The following MSRB3 variants were observed in gnomAD, a reference collection of about 807,000 sequenced individuals.
MSRB3 encodes methionine-R-sulfoxide reductase B3.
A neutral mutation model predicts 21.0 loss-of-function variants in MSRB3; 13 were observed. The observed-to-expected ratio is 0.62, with a 90% CI of 0.40 to 0.98. The LOEUF (loss-of-function observed/expected upper bound fraction) is 0.98, where lower values mean the gene tolerates loss of function less well. Among genes scored for constraint, MSRB3 ranks in the 50% least tolerant of loss-of-function variants. The pLI is 0.00. For missense variants in MSRB3, 199 were observed against 230.3 expected (o/e 0.86, Z 0.88); for synonymous variants, 87 against 88.6 (o/e 0.98, Z 0.10).
chr12:65,393,191 T>C (rs1879577424), intron 5 of MSRB3, among the ~76,000 whole-genome samples: 2 of 152,332 alleles, frequency 1.3e-5, no homozygotes, highest in Admixed American at 1.3e-4. Context: ...TATTGTCTTA[T>C]ATTTGACCAT....
chr12:65,440,873 TTATC>T (rs2136679944), intron 5 of MSRB3, among the ~76,000 whole-genome samples: 1 of 152,092 alleles, frequency 6.6e-6, no homozygotes, highest in Non-Finnish European at 1.5e-5. Flanking sequence ...ATTTAACAAG[TTATC>T]TATTTAGTGC....
intron 5 of MSRB3, among the ~76,000 whole-genome samples, chr12:65,386,768 T>C (rs1292143746): frequency 6.6e-6 from 1 of 152,012 alleles, no homozygotes; most frequent in Admixed American, 6.5e-5. Context: ...TTTGATTAAA[T>C]CAGAATACAC....
intron 5 of MSRB3, among the ~76,000 whole-genome samples, chr12:65,376,810 C>T (rs1878650635): frequency 6.6e-6 from 1 of 151,960 alleles, no homozygotes; most frequent in African/African-American, 2.4e-5. Context: ...GCACATTTAT[C>T]CAAGAACTTA....
intron 6 of MSRB3, among the ~76,000 whole-genome samples, chr12:65,460,374 A>T (rs150553475): frequency 2.0e-5 from 3 of 151,852 alleles, no homozygotes; most frequent in Admixed American, 1.3e-4. Flanking sequence ...TGCGCTTTTC[A>T]AAGAAACCGG....
intron 4 of MSRB3, among the ~76,000 whole-genome samples, chr12:65,345,587 T>A (rs943256679): frequency 3.3e-5 from 5 of 152,136 alleles, no homozygotes; most frequent in African/African-American, 9.7e-5. Flanking sequence ...ATCTTTTTTT[T>A]ATTATTATTA....
chr12:65,401,649 A>T (rs918123390), intron 5 of MSRB3, among the ~76,000 whole-genome samples: 1 of 151,940 alleles, frequency 6.6e-6, no homozygotes, highest in African/African-American at 2.4e-5. Flanking sequence ...TGATCCTGTC[A>T]TTATGATGCT....
chr12:65,415,434 T>G (rs1880918926), intron 5 of MSRB3, among the ~76,000 whole-genome samples: 1 of 152,164 alleles, frequency 6.6e-6, no homozygotes, highest in Non-Finnish European at 1.5e-5. Context: ...CTCTTGAAGT[T>G]TGTAGCTAGC....
intron 5 of MSRB3, among the ~76,000 whole-genome samples, chr12:65,422,818 G>A (rs1215194196): frequency 2.0e-5 from 3 of 151,820 alleles, no homozygotes; most frequent in Admixed American, 2.0e-4. Flanking sequence ...ATTGTAAATG[G>A]AATAGTTTTC....
intron 5 of MSRB3, among the ~76,000 whole-genome samples, chr12:65,412,311 T>C (rs1880756239): frequency 6.6e-6 from 1 of 152,170 alleles, no homozygotes; most frequent in African/African-American, 2.4e-5. Context: ...ATTCCCATCT[T>C]ATGGCCCTAA....
intron 2 of MSRB3, among the ~76,000 whole-genome samples, chr12:65,320,530 C>T (rs1874595332): frequency 6.6e-6 from 1 of 152,062 alleles, no homozygotes; most frequent in African/African-American, 2.4e-5. Flanking sequence ...ATCCAAAATT[C>T]ATCACCAGAA....
chr12:65,351,898 G>T (rs1168395595), intron 4 of MSRB3, among the ~76,000 whole-genome samples: 1 of 152,122 alleles, frequency 6.6e-6, no homozygotes, highest in East Asian at 1.9e-4. Context: ...GGAGGAACTG[G>T]TACCATTCCT....
intron 2 of MSRB3, 188 bp downstream of exon 2, chr12:65,308,843 A>G: frequency 2.8e-6 from 2 of 723,442 alleles, no homozygotes; most frequent in South Asian, 3.4e-5. Context: ...AATCCTTACA[A>G]CCCTTGGAAC....
At chr12:65,334,654 C>G (rs1304067799) in intron 4 of MSRB3, among the ~76,000 whole-genome samples, 1 of 152,040 alleles carries the variant, frequency 6.6e-6, no homozygotes, top group African/African-American at 2.4e-5. Context: ...GTAATGAGAT[C>G]CATCATGGCA....
At chr12:65,377,719 C>T (rs1334292918) in intron 5 of MSRB3, among the ~76,000 whole-genome samples, 1 of 152,070 alleles carries the variant, frequency 6.6e-6, no homozygotes, top group Non-Finnish European at 1.5e-5. Flanking sequence ...ATTTATTCTC[C>T]CCTTTTATAG....
chr12:65,309,075 A>G (rs1873828584), intron 2 of MSRB3: 1 of 224,042 alleles, frequency 4.5e-6, no homozygotes, highest in South Asian at 7.5e-5. Flanking sequence ...AAAAAATGAA[A>G]ATGAACAATG....
intron 6 of MSRB3, among the ~76,000 whole-genome samples, chr12:65,461,919 C>T (rs372012943): frequency 4.6e-5 from 7 of 152,254 alleles, no homozygotes; most frequent in South Asian, 2.1e-4. Context: ...CTCTTCTGAC[C>T]ACCCTATCTA....
intron 5 of MSRB3, among the ~76,000 whole-genome samples, chr12:65,449,075 C>G (rs1262768957): frequency 6.6e-6 from 1 of 152,164 alleles, no homozygotes; most frequent in Non-Finnish European, 1.5e-5. Flanking sequence ...GTTGCCCAGG[C>G]TGGAGTGCAG....
chr12:65,395,574 A>G (rs182714085), intron 5 of MSRB3, among the ~76,000 whole-genome samples: 1 of 152,256 alleles, frequency 6.6e-6, no homozygotes, highest in Non-Finnish European at 1.5e-5. Flanking sequence ...AAGAGATTGT[A>G]GAAAATATGT....
intron 4 of MSRB3, among the ~76,000 whole-genome samples, chr12:65,354,208 A>C (rs1428599333): frequency 6.6e-6 from 1 of 151,654 alleles, no homozygotes; most frequent in Non-Finnish European, 1.5e-5. Flanking sequence ...TGTGTCTTGG[A>C]GTTGCTCTTC....
Sources: gnomAD v4.1 joint callset for allele counts (sites outside exome capture counted in the v4.1 genomes callset) on GRCh38, gnomAD v4.1.1 for gene constraint, MANE v1.5 for transcripts, NCBI Gene and HGNC (gene_info 2026-07-23, HGNC 2026-07-21) for gene names.